RBPMS: variants seen among roughly 807,000 people sequenced by gnomAD.
The protein encoded by RBPMS is RNA binding protein, mRNA processing factor, also known as RNA-binding protein with multiple splicing.
In RBPMS, 7 loss-of-function variants were observed where a neutral mutation model predicts 26.8. That is an observed-to-expected ratio of 0.26 (90% CI 0.15 to 0.49). The LOEUF (loss-of-function observed/expected upper bound fraction) is 0.49. RBPMS is among the 20% of genes least tolerant of loss of function. The pLI, the probability that RBPMS is intolerant of heterozygous loss-of-function variation, is 0.98. For synonymous variants in RBPMS, 96 were observed against 93.3 expected (o/e 1.03, Z -0.17); for missense variants, 186 against 250.0 (o/e 0.74, Z 1.73).
intron 4 of RBPMS, among the ~76,000 whole-genome samples, chr8:30,489,862 G>C (rs2150882881): frequency 6.6e-6 from 1 of 151,668 alleles, no homozygotes; most frequent in Non-Finnish European, 1.5e-5. Context: ...CCAGGCTGGA[G>C]TGCAGTGGCG....
At chr8:30,448,714 T>C (rs1234638779) in intron 1 of RBPMS, among the ~76,000 whole-genome samples, 1 of 152,246 alleles carries the variant, frequency 6.6e-6, no homozygotes, top group African/African-American at 2.4e-5. Context: ...TTTCTAGTTA[T>C]GTTGAACCAA....
intron 1 of RBPMS, among the ~76,000 whole-genome samples, chr8:30,428,558 G>C (rs1480808845): frequency 6.6e-6 from 1 of 152,080 alleles, no homozygotes; most frequent in Non-Finnish European, 1.5e-5. Flanking sequence ...AGCATAATTG[G>C]AGAGAACATT....
chr8:30,393,486 C>A (rs2979484), intron 1 of RBPMS, among the ~76,000 whole-genome samples: 40,701 of 151,768 alleles, frequency 0.27, 5,697 homozygotes, highest in Non-Finnish European at 0.28. Flanking sequence ...TGGCCAGCAG[C>A]CCAAAGACAT....
intron 4 of RBPMS, among the ~76,000 whole-genome samples, chr8:30,496,285 C>T (rs879495641): frequency 1.1e-4 from 16 of 152,026 alleles, no homozygotes; most frequent in Admixed American, 2.6e-4. Flanking sequence ...TCTCCTGCCT[C>T]AGCCTCCCAA....
chr8:30,541,569 C>T (rs1220435638), intron 5 of RBPMS, among the ~76,000 whole-genome samples: 2 of 152,168 alleles, frequency 1.3e-5, no homozygotes, highest in East Asian at 3.9e-4. Context: ...CTTGATCTGC[C>T]CTCTTTCTGC....
intron 5 of RBPMS, among the ~76,000 whole-genome samples, chr8:30,531,171 A>T (rs1368053080): frequency 1.3e-5 from 2 of 152,106 alleles, no homozygotes; most frequent in Admixed American, 6.6e-5. Context: ...CCATCTTCTT[A>T]ATACTTAACC....
At chr8:30,420,074 A>T (rs531648285) in intron 1 of RBPMS, among the ~76,000 whole-genome samples, 21 of 151,980 alleles carry the variant, frequency 1.4e-4, no homozygotes, top group African/African-American at 4.8e-4. Context: ...AAGAAACCCA[A>T]AGAATTAACT....
chr8:30,550,939 G>A (rs368971865), intron 6 of RBPMS, among the ~76,000 whole-genome samples: 4 of 152,162 alleles, frequency 2.6e-5, no homozygotes, highest in Non-Finnish European at 4.4e-5. Context: ...CTTTCCTATC[G>A]GAGAAACTGG....
intron 6 of RBPMS, chr8:30,556,534 C>G (rs1267623624): frequency 7.1e-6 from 7 of 986,536 alleles, no homozygotes; most frequent in Non-Finnish European, 8.4e-6. Flanking sequence ...CTGTGAAACA[C>G]CGTCACGTCT....
chr8:30,436,784 G>C (rs17626155), intron 1 of RBPMS, among the ~76,000 whole-genome samples: 2 of 152,076 alleles, frequency 1.3e-5, no homozygotes. Context: ...AAAAGAATTC[G>C]TTGTGTCAAA....
intron 5 of RBPMS, among the ~76,000 whole-genome samples, chr8:30,516,155 G>A (rs895926430): frequency 2.6e-5 from 4 of 152,158 alleles, no homozygotes; most frequent in East Asian, 1.9e-4. Context: ...CGAGGAGGGC[G>A]GATTACTTGA....
At chr8:30,521,970 A>C (rs1465382591) in intron 5 of RBPMS, among the ~76,000 whole-genome samples, 1 of 152,224 alleles carries the variant, frequency 6.6e-6, no homozygotes, top group African/African-American at 2.4e-5. Context: ...AATAAGCTCA[A>C]GAGATCTATT....
At chr8:30,414,188 G>T (rs10110359) in intron 1 of RBPMS, among the ~76,000 whole-genome samples, 1 of 150,610 alleles carries the variant, frequency 6.6e-6, no homozygotes, top group Non-Finnish European at 1.5e-5. Context: ...CTCAGTGGCT[G>T]TCGCCATTTT....
chr8:30,502,520 A>C (rs533537823), intron 4 of RBPMS, among the ~76,000 whole-genome samples: 1 of 152,314 alleles, frequency 6.6e-6, no homozygotes, highest in South Asian at 2.1e-4. Flanking sequence ...CTTCACAGGA[A>C]GGTTGGTCAA....
intron 1 of RBPMS, among the ~76,000 whole-genome samples, chr8:30,433,810 A>T (rs1027882396): frequency 2.0e-5 from 3 of 152,202 alleles, no homozygotes; most frequent in African/African-American, 7.2e-5. Flanking sequence ...TATAATTATT[A>T]ATTTGACCTG....
intron 4 of RBPMS, among the ~76,000 whole-genome samples, chr8:30,489,234 GTGT>G (rs986702777): frequency 2.6e-4 from 40 of 151,882 alleles, no homozygotes; most frequent in African/African-American, 8.0e-4. Flanking sequence ...TTTTGTAGAA[GTGT>G]TGTCTCTCTG....
intron 8 of RBPMS, 23 bp downstream of exon 8, chr8:30,566,383 C>A: frequency 1.2e-6 from 1 of 828,050 alleles, no homozygotes; most frequent in Non-Finnish European, 1.5e-6. Context: ...CAGGGCTGAA[C>A]AAGCCCTCAG....
chr8:30,547,888 T>G (rs148496761), intron 6 of RBPMS, among the ~76,000 whole-genome samples: 403 of 152,290 alleles, frequency 2.6e-3, no homozygotes, highest in African/African-American at 9.3e-3. Flanking sequence ...AAAGTGTCAT[T>G]GAAAAGAAGT....
intron 1 of RBPMS, among the ~76,000 whole-genome samples, chr8:30,458,635 G>T (rs891536318): frequency 4.6e-5 from 7 of 152,086 alleles, no homozygotes; most frequent in Admixed American, 6.5e-5. Context: ...GTGATGAACT[G>T]GTTGCACATC....
Sources: allele counts gnomAD v4.1 joint callset (sites outside exome capture counted in the v4.1 genomes callset), GRCh38; gene constraint gnomAD v4.1.1; transcripts MANE v1.5; gene names NCBI Gene and HGNC (gene_info 2026-07-23, HGNC 2026-07-21).